XIRP2: variants seen among roughly 807,000 people sequenced by gnomAD.
XIRP2 encodes the protein xin actin-binding repeat-containing protein 2.
A neutral mutation model predicts 277.0 loss-of-function variants in XIRP2; 236 were observed. The observed-to-expected ratio is 0.85, with a 90% CI of 0.77 to 0.95. The LOEUF (loss-of-function observed/expected upper bound fraction) is 0.95. XIRP2 is among the 40% of genes least tolerant of loss of function. The pLI is 0.00. For synonymous variants in XIRP2, 1,490 were observed against 1,416.5 expected (o/e 1.05, Z -1.17); for missense variants, 4,640 against 4,157.5 (o/e 1.12, Z -3.19).
At chr2:167,009,365 T>A (rs932460418) in intron 2 of XIRP2, among the ~76,000 whole-genome samples, 1 of 151,940 alleles carries the variant, frequency 6.6e-6, no homozygotes, top group Non-Finnish European at 1.5e-5. Context: ...CTTTCCAATT[T>A]CATCCATGTC....
Position 167,244,672 on chromosome 2 carries a change from T to C in XIRP2, c.3280T>C (p.Cys1094Arg), listed in dbSNP as rs1312412689. The change falls in exon 9 of 11, where the codon TGT becomes CGT. Residue 1094 changes from cysteine (C) to arginine (R), a missense_variant. Transcript: ENST00000409195. ...RDIVKGDVKT[C>R]KWLFETQPME... ...TATTGTTAAAGGGGATGTCAAAACCTGTAAATGGCTTTTTGAGACCCAGCC... is the reference window on the plus strand; with the variant it reads ...TATTGTTAAAGGGGATGTCAAAACCCGTAAATGGCTTTTTGAGACCCAGCC... 1 of 1,613,540 alleles carries C rather than the reference T, an allele frequency of 6.2e-7. No individual in the cohort carries two copies. The highest frequency in any genetic ancestry group is 2.2e-5 in the East Asian group (1 of 44,822).
intron 2 of XIRP2, among the ~76,000 whole-genome samples, chr2:167,100,964 T>C (rs929590944): frequency 1.2e-4 from 18 of 152,190 alleles, no homozygotes; most frequent in Non-Finnish European, 2.2e-4. Context: ...TTAGTGTTGT[T>C]CTTTTTTATT....
chr2:166,959,510 A>T (rs1482415244), intron 2 of XIRP2, among the ~76,000 whole-genome samples: 1 of 151,846 alleles, frequency 6.6e-6, no homozygotes, highest in African/African-American at 2.4e-5. Context: ...AAAGCTATGA[A>T]GTGTTTCCCT....
intron 2 of XIRP2, among the ~76,000 whole-genome samples, chr2:167,045,426 C>T (rs1688763057): frequency 6.6e-6 from 1 of 152,036 alleles, no homozygotes; most frequent in South Asian, 2.1e-4. Context: ...CTAAAGAGTT[C>T]TGCACAGCAA....
At chr2:167,113,747 CGTAA>C (rs1349210562) in intron 2 of XIRP2, among the ~76,000 whole-genome samples, 1 of 152,090 alleles carries the variant, frequency 6.6e-6, no homozygotes, top group African/African-American at 2.4e-5. Flanking sequence ...GATGTGTGTA[CGTAA>C]GTGTGTTTTT....
chr2:166,949,949 T>A (rs1332406903), intron 2 of XIRP2, among the ~76,000 whole-genome samples: 1 of 152,068 alleles, frequency 6.6e-6, no homozygotes, highest in East Asian at 1.9e-4. Context: ...TTTCCCTTTT[T>A]ACAATTTTAC....
At position 167,175,486 on chromosome 2, in the gene XIRP2, G is replaced by T. The variant is rs183452057; in HGVS notation, c.563-35249G>T. 2.5e-3 allele frequency among the ~76,000 whole-genome samples: 382 copies of T among 152,262 alleles called. 2 individuals are homozygous for T. The highest frequency in any genetic ancestry group is 1.2e-3 in the Non-Finnish European group (83 of 68,008). Reference sequence around the variant, plus strand: ...TGGAGGCTGCAGAACAGCAGAGATTGCTGCCTGTTCCTTCCTCTGGAAGCT... The same window carrying T: ...TGGAGGCTGCAGAACAGCAGAGATTTCTGCCTGTTCCTTCCTCTGGAAGCT... On this transcript the variant is annotated intron_variant, in intron 3 of 10. Coordinates refer to ENST00000409195, the MANE Select transcript of XIRP2 (RefSeq NM_152381.6).
intron 2 of XIRP2, among the ~76,000 whole-genome samples, chr2:167,088,246 A>G (rs1690023204): frequency 6.6e-6 from 1 of 152,088 alleles, no homozygotes; most frequent in Admixed American, 6.6e-5. Context: ...CCCCTAAAGC[A>G]GGAAGTTTGT....
chr2:167,179,625 A>G (rs1692954130), intron 3 of XIRP2, among the ~76,000 whole-genome samples: 1 of 144,758 alleles, frequency 6.9e-6, no homozygotes, highest in Admixed American at 6.9e-5. Flanking sequence ...CAGCCTAATC[A>G]TTTTCTTTAT....
At chr2:167,097,497 C>G (rs117938904) in intron 2 of XIRP2, among the ~76,000 whole-genome samples, 4,750 of 152,168 alleles carry the variant, frequency 0.031, 85 homozygotes, top group East Asian at 0.05. Flanking sequence ...TTGGTGTTGA[C>G]TCTTTATCCA....
At chr2:167,256,121 A>G (rs1695647413) in intron 10 of XIRP2, among the ~76,000 whole-genome samples, 1 of 151,572 alleles carries the variant, frequency 6.6e-6, no homozygotes, top group Admixed American at 6.6e-5. Flanking sequence ...TCAGTTACCC[A>G]GTGTGCTCTT....
chr2:167,084,379 C>G (rs1315974962), intron 2 of XIRP2, among the ~76,000 whole-genome samples: 1 of 151,898 alleles, frequency 6.6e-6, no homozygotes, highest in Non-Finnish European at 1.5e-5. Flanking sequence ...CAATGTTCAT[C>G]AAGGATATTG....
intron 2 of XIRP2, chr2:167,123,862 A>T (rs1440989196): frequency 6.6e-6 from 1 of 152,084 alleles, no homozygotes; most frequent in Non-Finnish European, 1.5e-5. Context: ...TGGGGATTAG[A>T]ATTTTAGGGG....
At chr2:167,085,066 T>C (rs201082130) in intron 2 of XIRP2, among the ~76,000 whole-genome samples, 88 of 115,156 alleles carry the variant, frequency 7.6e-4, no homozygotes, top group South Asian at 1.5e-3. Context: ...TCCTGCTTTC[T>C]CTTGTGGGCA....
intron 2 of XIRP2, among the ~76,000 whole-genome samples, chr2:167,076,934 G>A (rs1290225880): frequency 1.3e-5 from 2 of 152,070 alleles, no homozygotes; most frequent in South Asian, 2.1e-4. Flanking sequence ...AGGTTCAAGC[G>A]ATTCTCCTGA....
chr2:167,258,187 G>GA lies in XIRP2; in HGVS notation c.*374dup. The GA allele has an allele frequency of 1.2e-6, 2 of 1,613,064 alleles. No individual in the cohort carries two copies. Among genetic ancestry groups the GA allele is most frequent in the East Asian group, 2.2e-5 (1 of 44,816 alleles). On this transcript the variant is annotated 3_prime_UTR_variant, in exon 11 of 11. Transcript: ENST00000409195. Reference sequence around the variant, plus strand: ...GGCCTCCTTCCAAGGAGATCCCTAAGAAAACCTTACCCTTTGAGGAAGAGC... The same window carrying GA: ...GGCCTCCTTCCAAGGAGATCCCTAAGAAAAACCTTACCCTTTGAGGAAGAGC...
chr2:166,922,137 C>T lies in XIRP2; in HGVS notation c.408+18247C>T, dbSNP rs564957753. Among the ~76,000 whole-genome samples the T allele has an allele frequency of 4.6e-5, 7 of 152,182 alleles. No individual in the cohort carries two copies. In the South Asian group the frequency reaches 1.5e-3, roughly 32 times the overall value. ...AAAGGACAAACTGTCTTCTTGATTC[C>T]AGTTTCCTTAGTGCATTCTTAGACC... On this transcript the variant is annotated intron_variant, in intron 2 of 10. Transcript: ENST00000409195.
intron 3 of XIRP2, among the ~76,000 whole-genome samples, chr2:167,166,394 G>C (rs1161986565): frequency 6.6e-6 from 1 of 152,108 alleles, no homozygotes; most frequent in East Asian, 1.9e-4. Flanking sequence ...CTGTCTTACT[G>C]AGTGTTCCAT....
chr2:167,082,871 C>A (rs1025455550), intron 2 of XIRP2, among the ~76,000 whole-genome samples: 10 of 152,096 alleles, frequency 6.6e-5, no homozygotes, highest in East Asian at 1.9e-4. Flanking sequence ...AGGTTGTGAA[C>A]ATTTTCTCCC....
Sources: allele counts gnomAD v4.1 joint callset (sites outside exome capture counted in the v4.1 genomes callset), GRCh38; gene constraint gnomAD v4.1.1; transcripts MANE v1.5; gene names NCBI Gene and HGNC (gene_info 2026-07-23, HGNC 2026-07-21).